The following MYO1E variants were observed in gnomAD, a reference collection of about 807,000 sequenced individuals.
MYO1E encodes the protein myosin IE, also known as unconventional myosin-Ie.
MYO1E carries 68 observed loss-of-function variants against 151.1 expected under a neutral mutation model. The ratio of observed to expected loss-of-function variants is 0.45; its 90% CI spans 0.37 to 0.55. MYO1E has a LOEUF of 0.55. Among genes scored for constraint, MYO1E ranks in the 20% least tolerant of loss-of-function variants. The pLI is 0.00. For synonymous variants in MYO1E, 601 were observed against 501.7 expected, an observed-to-expected ratio of 1.20 and a Z score of -2.64; for missense variants, 1,363 against 1,389.3, an observed-to-expected ratio of 0.98 and a Z score of 0.30.
intron 26 of MYO1E, among the ~76,000 whole-genome samples, chr15:59,139,759 G>A (rs529969049): frequency 1.4e-4 from 19 of 140,694 alleles, no homozygotes; most frequent in South Asian, 7.0e-4. Flanking sequence ...CTTCCCTCCC[G>A]TCCCTCATTA....
At chr15:59,296,994 C>A (rs2140400816) in intron 1 of MYO1E, among the ~76,000 whole-genome samples, 1 of 86,684 alleles carries the variant, frequency 1.2e-5, no homozygotes, top group Middle Eastern at 6.8e-3. Context: ...CGCCCGCTAC[C>A]ACGCCCGGCT....
chr15:59,197,110 C>T (rs1203211007), intron 16 of MYO1E, among the ~76,000 whole-genome samples: 2 of 148,558 alleles, frequency 1.3e-5, no homozygotes, highest in Non-Finnish European at 3.0e-5. Flanking sequence ...CGCCTGCCTC[C>T]GCCTCCCGAG....
intron 1 of MYO1E, among the ~76,000 whole-genome samples, chr15:59,339,939 C>G (rs2080753965): frequency 6.6e-6 from 1 of 150,908 alleles, no homozygotes; most frequent in South Asian, 2.1e-4. Context: ...CCTCTGCCTT[C>G]TGGGTTCAAG....
chr15:59,287,320 G>A (rs748558611), intron 1 of MYO1E, among the ~76,000 whole-genome samples: 1 of 152,232 alleles, frequency 6.6e-6, no homozygotes, highest in African/African-American at 2.4e-5. Context: ...GCAGAGACGG[G>A]AGCCTTATCT....
At chr15:59,202,299 C>G in intron 16 of MYO1E, 27 bp downstream of exon 16, 1 of 1,600,138 alleles carries the variant, frequency 6.2e-7, no homozygotes, top group Non-Finnish European at 8.6e-7. Context: ...TTATAAGAAT[C>G]TATAAACTTC....
intron 4 of MYO1E, among the ~76,000 whole-genome samples, chr15:59,245,789 T>C (rs941888091): frequency 4.1e-4 from 63 of 152,188 alleles, no homozygotes; most frequent in African/African-American, 1.4e-3. Context: ...TGATTCTCCA[T>C]GGGTCAGTTG....
rs1233784817 is a variant in MYO1E, at chr15:59,132,757, C to G, written c.*4623G>C. Reference sequence around the variant, plus strand: ...GTGAAGTGGGGATAAGAGTGTCTCCCTCATAGGGTGGTGCTAAGTAAAGTA... The same window carrying G: ...GTGAAGTGGGGATAAGAGTGTCTCCGTCATAGGGTGGTGCTAAGTAAAGTA... On this transcript the variant is annotated 3_prime_UTR_variant, in exon 28 of 28. Transcript: ENST00000288235. 1 of 152,138 alleles carries G rather than the reference C, an allele frequency of 6.6e-6. No homozygotes were observed. The highest frequency in any genetic ancestry group is 2.4e-5 in the African/African-American group (1 of 41,412). 9.4% of individuals were successfully genotyped at this position (152,138 alleles called of 1,614,324 possible). A position where few individuals can be genotyped will look rare whatever the true frequency, so the allele number is the denominator to read the frequency against.
At chr15:59,341,975 T>C (rs747570314) in intron 1 of MYO1E, among the ~76,000 whole-genome samples, 6 of 152,214 alleles carry the variant, frequency 3.9e-5, no homozygotes, top group Non-Finnish European at 7.4e-5. Flanking sequence ...TACTCATTTA[T>C]ATTTCCACCA....
chr15:59,174,433 C>G (rs2079612772), intron 19 of MYO1E, among the ~76,000 whole-genome samples, 193 bp from the exon 20 acceptor site: 1 of 152,138 alleles, frequency 6.6e-6, no homozygotes, highest in Non-Finnish European at 1.5e-5. Flanking sequence ...TGACCTATAC[C>G]TTTTTTTCTT....
intron 22 of MYO1E, among the ~76,000 whole-genome samples, chr15:59,168,317 G>A (rs746769831): frequency 1.1e-4 from 16 of 152,048 alleles, no homozygotes; most frequent in South Asian, 2.1e-4. Flanking sequence ...GAGGCGAGGT[G>A]GGTAGATCCC....
At chr15:59,234,033 G>T (rs2080045342) in intron 5 of MYO1E, among the ~76,000 whole-genome samples, 1 of 151,810 alleles carries the variant, frequency 6.6e-6, no homozygotes, top group Non-Finnish European at 1.5e-5. Context: ...AGAAAATTTA[G>T]AATTACACAT....
intron 23 of MYO1E, 26 bp downstream of exon 23, chr15:59,163,131 A>C (rs1280095216): frequency 7.4e-6 from 12 of 1,613,382 alleles, no homozygotes; most frequent in Non-Finnish European, 1.0e-5. Context: ...TACACGCAGA[A>C]GTCTGGGTCC....
chr15:59,222,552 T>C (rs2079962354), intron 9 of MYO1E, among the ~76,000 whole-genome samples: 2 of 152,234 alleles, frequency 1.3e-5, no homozygotes, highest in South Asian at 4.1e-4. Flanking sequence ...ATGTCCATCT[T>C]TTTCTGTGTT....
intron 1 of MYO1E, among the ~76,000 whole-genome samples, chr15:59,366,997 CAAA>C (rs66848377): frequency 0.014 from 412 of 28,562 alleles, no homozygotes; most frequent in East Asian, 0.046. Context: ...TGCATTTTCG[CAAA>C]AAAAAAAAAA....
chr15:59,188,683 G>A (rs2079714320), intron 17 of MYO1E, among the ~76,000 whole-genome samples: 1 of 152,106 alleles, frequency 6.6e-6, no homozygotes, highest in Admixed American at 6.6e-5. Context: ...ATGACAGAGT[G>A]AGACTCCGTC....
At position 59,316,781 on chromosome 15, in the gene MYO1E, T is replaced by C. The variant is rs148611312; in HGVS notation, c.4-44332A>G. Among the ~76,000 whole-genome samples the C allele has an allele frequency of 5.3e-3, 807 of 152,292 alleles. 13 individuals carry two copies. Among genetic ancestry groups the C allele is most frequent in the East Asian group, 0.047 (246 of 5,188 alleles). ...GGATCCGTTAGCAAGTCTTTCAAAA[T>C]ATTTCTATGAAAACACTGTGCTTTG... On this transcript the variant is annotated intron_variant, in intron 1 of 27. Transcript: ENST00000288235.
intron 4 of MYO1E, among the ~76,000 whole-genome samples, chr15:59,253,770 CGTCTAATGAA>C (rs766032584): frequency 2.0e-5 from 3 of 151,956 alleles, no homozygotes; most frequent in Non-Finnish European, 2.9e-5. Context: ...CCACTCCCGG[CGTCTAATGAA>C]GTTTTTAGAT....
chr15:59,355,015 C>T (rs899465468), intron 1 of MYO1E, among the ~76,000 whole-genome samples: 13 of 152,148 alleles, frequency 8.5e-5, no homozygotes, highest in African/African-American at 3.1e-4. Flanking sequence ...TCCTTTAATC[C>T]GCTGGCTCTC....
At chr15:59,289,271 C>T (rs190287380) in intron 1 of MYO1E, among the ~76,000 whole-genome samples, 475 of 152,226 alleles carry the variant, frequency 3.1e-3, no homozygotes, top group Non-Finnish European at 5.6e-3. Context: ...ATTTTGGATG[C>T]TTACCATAAA....
Sources: allele counts gnomAD v4.1 joint callset (sites outside exome capture counted in the v4.1 genomes callset), GRCh38; gene constraint gnomAD v4.1.1; transcripts MANE v1.5; gene names NCBI Gene and HGNC (gene_info 2026-07-23, HGNC 2026-07-21).